Variants in RP1L1 observed in about 807,000 individuals in gnomAD.
RP1L1 encodes the protein retinitis pigmentosa 1-like 1 protein.
RP1L1 carries 27 observed loss-of-function variants against 15.7 expected under a neutral mutation model. The observed-to-expected ratio is 1.72, with a 90% CI of 1.27 to 2.38. The LOEUF is 2.38. Among genes scored for constraint, RP1L1 ranks in the 30% most tolerant of loss-of-function variants. The probability of loss-of-function intolerance (pLI) is 0.00; values close to 1 mark genes in which losing one functional copy is unlikely to be tolerated. For missense variants in RP1L1, 4,798 were observed against 3,075.9 expected, an observed-to-expected ratio of 1.56 and a Z score of -13.24; for synonymous variants, 1,813 against 1,276.7, an observed-to-expected ratio of 1.42 and a Z score of -8.96.
At chr8:10,614,676 A>AG (rs1404391658) in intron 3 of RP1L1, among the ~76,000 whole-genome samples, 8 of 150,954 alleles carry the variant, frequency 5.3e-5, no homozygotes, top group Admixed American at 1.3e-4. Flanking sequence ...AAAAAAAAAA[A>AG]AAAGAAAAGA....
rs777533649 is a variant in RP1L1 at position 10,622,860 on chromosome 8, A to G, written c.342T>C (p.Ser114=). 6.2e-7 allele frequency: 1 copy of G among 1,612,864 alleles called. No homozygotes were observed. Among genetic ancestry groups the G allele is most frequent in the South Asian group, 1.1e-5 (1 of 91,014 alleles). Residue 114 remains serine (S), a synonymous_variant, in exon 2 of 4, where the codon AGT becomes AGC. Transcript: ENST00000382483. ...CSDKKPPKTP[S]GPGRPQERNP... is the part of the protein sequence containing the mutation. ...TTCTCTCCTGTGGCCGGCCTGGTCCACTGGGGGTCTTGGGGGGCTTCTTAT... is the reference window on the plus strand; with the variant it reads ...TTCTCTCCTGTGGCCGGCCTGGTCCGCTGGGGGTCTTGGGGGGCTTCTTAT...
In RP1L1 at chr8:10,612,986, C is replaced by A. The variant is rs751450666; in HGVS notation, c.1112G>T (p.Gly371Val). Reference sequence around the variant, plus strand: ...AGGCTCTGAGAAGCCCCAAGGGTAGCCCTCCCACACACAGCAGAGGGGGTC... The same window carrying A: ...AGGCTCTGAGAAGCCCCAAGGGTAGACCTCCCACACACAGCAGAGGGGGTC... ...EVDPLCCVWE[G>V]YPWGFSEPGV... is the part of the protein sequence containing the mutation. The change falls in exon 4 of 4, where the codon GGC becomes GTC. Residue 371 changes from glycine (G) to valine (V), a missense_variant. Coordinates refer to ENST00000382483, the MANE Select transcript of RP1L1 (RefSeq NM_178857.6). 2.8e-5 allele frequency: 45 copies of A among 1,613,186 alleles called. No individual in the cohort carries two copies. The East Asian group carries it at 7.6e-4, about 27-fold the overall frequency.
rs764942125 is a variant in RP1L1 at position 10,608,109 on chromosome 8, A to C, written c.5989T>G (p.Ser1997Ala). 3 of 1,593,974 alleles carry C rather than the reference A, an allele frequency of 1.9e-6. No homozygotes were observed. The highest frequency in any genetic ancestry group is 2.6e-6 in the Non-Finnish European group (3 of 1,174,278). Residue 1997 changes from serine (S) to alanine (A), a missense_variant, in exon 4 of 4, where the codon TCA (serine) becomes GCA (alanine). Coordinates refer to ENST00000382483, the MANE Select transcript of RP1L1 (RefSeq NM_178857.6). ...QEAEGEAQPE[S>A]EDVEAPEAEG... The stretch of plus-strand genomic sequence containing the variant: ...GCCTCTGGGGCCTCTACATCTTCTG[A>C]CTCTGGCTGGGCCTCCCCTTCTGCC...
Position 10,609,247 on chromosome 8 carries a change from C to G in RP1L1, c.4851G>C (p.Ser1617=), listed in dbSNP as rs527539772. ...GGCCCAGGGTCCGCTCAGAGAAGGCCGAGAGGTTTCGCAGGCCCCGGAGAC... is the reference window on the plus strand; with the variant it reads ...GGCCCAGGGTCCGCTCAGAGAAGGCGGAGAGGTTTCGCAGGCCCCGGAGAC... ...RHRLRGLRNL[S]AFSERTLGLG... The change falls in exon 4 of 4, where the codon TCG becomes TCC. Residue 1617 remains serine, a synonymous_variant. Coordinates refer to ENST00000382483, the MANE Select transcript of RP1L1 (RefSeq NM_178857.6). 66 of 1,608,870 alleles carry G rather than the reference C, an allele frequency of 4.1e-5. No individual in the cohort carries two copies. The highest frequency in any genetic ancestry group is 5.4e-5 in the Non-Finnish European group (64 of 1,179,730).
In RP1L1 at chr8:10,610,068, T is replaced by A; in HGVS notation, c.4030A>T (p.Thr1344Ser). Residue 1344 changes from threonine (T) to serine (S), a missense_variant, in exon 4 of 4, where the codon ACA becomes TCA. Physicochemically the swap from Thr to Ser is moderately conservative, Grantham distance 58. Transcript: ENST00000382483. ...EGVQLEETKE[T>S]EGEGQQEEEA... is the part of the protein sequence containing the mutation. ...TCTTCTTGCTGTCCTTCTCCTTCTG[T>A]TTCTTTAGTTTCCTCTAACTGCACC... 1 of 960,012 alleles carries A rather than the reference T, an allele frequency of 1.0e-6. No homozygotes were observed. Among genetic ancestry groups the A allele is most frequent in the East Asian group, 3.9e-5 (1 of 25,478 alleles). The allele number at this position is 960,012 out of a possible 1,614,324, so 59.5% of individuals were successfully genotyped here.
chr8:10,638,198 G>T (rs191144527), intron 1 of RP1L1, among the ~76,000 whole-genome samples: 2 of 152,348 alleles, frequency 1.3e-5, no homozygotes, highest in South Asian at 2.1e-4. Context: ...CAAAAATACC[G>T]ATATGCTTGC....
chr8:10,641,081 A>T lies in RP1L1; in HGVS notation c.-20+13817T>A, dbSNP rs74301687. 2.3e-3 allele frequency among the ~76,000 whole-genome samples: 349 copies of T among 152,352 alleles called. 9 individuals are homozygous for T. The East Asian group carries it at 0.061, about 27-fold the overall frequency. ...TCACCACAACTGACTAAATAACATT[A>T]ACTCATAAAATAAAATACGTTTTTC... On this transcript the variant is annotated intron_variant, in intron 1 of 3. Transcript: ENST00000382483.
chr8:10,642,502 T>G (rs1050697847), intron 1 of RP1L1, among the ~76,000 whole-genome samples: 1 of 152,198 alleles, frequency 6.6e-6, no homozygotes, highest in African/African-American at 2.4e-5. Context: ...GTTACCATAG[T>G]GAAACCTAGT....
In RP1L1 at chr8:10,612,916, G is replaced by T; in HGVS notation, c.1182C>A (p.Val394=). ...PRPCRVGCRE[V]FGRGGQPGPK... ...GCCCTGGCTGCCCGCCTCGGCCAAA[G>T]ACTTCCCTGCATCCCACCCTGCAGG... The change falls in exon 4 of 4, where the codon GTC becomes GTA. Residue 394 remains valine (V), a synonymous_variant. Transcript: ENST00000382483. 1 of 1,612,400 alleles carries T rather than the reference G, an allele frequency of 6.2e-7. No homozygotes were observed. The highest frequency in any genetic ancestry group is 8.5e-7 in the Non-Finnish European group (1 of 1,179,756).
At chr8:10,621,680 C>A (rs996051823) in intron 2 of RP1L1, 1 of 485,632 alleles carries the variant, frequency 2.1e-6, no homozygotes, top group East Asian at 5.8e-5. Context: ...TAAGGAGCAA[C>A]AGGACTGAAT....
Position 10,613,261 on chromosome 8 carries a change from A to G in RP1L1, c.837T>C (p.Gly279=), listed in dbSNP as rs1797910176. 4.3e-6 allele frequency: 7 copies of G among 1,610,408 alleles called. No individual in the cohort carries two copies. Among genetic ancestry groups the G allele is most frequent in the Non-Finnish European group, 5.9e-6 (7 of 1,180,012 alleles). ...CAGGGCCCACCGGGGGGTTGCTAGG[A>G]CCAGGCCTTTCTGGCAGCCGTGGCG... is the stretch of plus-strand genomic sequence containing the variant. The part of the protein sequence containing the change: ...GSTPRLPERP[G]PSNPPVGPAP... The change falls in exon 4 of 4, where the codon GGT becomes GGC. Residue 279 remains glycine (G), a synonymous_variant. Transcript: ENST00000382483.
In RP1L1 at chr8:10,609,444, G is replaced by C; in HGVS notation, c.4654C>G (p.Leu1552Val). Reference sequence around the variant, plus strand: ...AGCTCGGCCGCCATCTGGTCCAGCAGATCATTGTCCTGCAGGCCCCAGCGT... The same window carrying C: ...AGCTCGGCCGCCATCTGGTCCAGCACATCATTGTCCTGCAGGCCCCAGCGT... ...RARWGLQDND[L>V]LDQMAAELQQ... Residue 1552 changes from leucine to valine, a missense_variant, in exon 4 of 4, where the codon CTG (leucine) becomes GTG (valine). Physicochemically the swap from Leu to Val is conservative, Grantham distance 32. Transcript: ENST00000382483. The C allele has an allele frequency of 1.2e-6, 2 of 1,612,504 alleles. No individual in the cohort carries two copies. The highest frequency in any genetic ancestry group is 1.7e-6 in the Non-Finnish European group (2 of 1,179,986).
rs1297683322 is a variant in RP1L1, at chr8:10,606,559, C to G, written c.*336G>C. On this transcript the variant is annotated 3_prime_UTR_variant, in exon 4 of 4. Coordinates refer to ENST00000382483, the MANE Select transcript of RP1L1 (RefSeq NM_178857.6). ...CACTTGCTAGCAGAAAACAAACCCACAAACAAAAGCTAAACTGGAGCCTTT... is the reference window on the plus strand; with the variant it reads ...CACTTGCTAGCAGAAAACAAACCCAGAAACAAAAGCTAAACTGGAGCCTTT... 8 of 319,294 alleles carry G rather than the reference C, an allele frequency of 2.5e-5. No homozygotes were observed. Among genetic ancestry groups the G allele is most frequent in the South Asian group, 2.3e-4 (6 of 26,104 alleles). The allele number at this position is 319,294 out of a possible 1,614,324, so 19.8% of individuals were successfully genotyped here.
intron 1 of RP1L1, among the ~76,000 whole-genome samples, chr8:10,649,186 G>C (rs1204547455): frequency 6.6e-6 from 1 of 152,180 alleles, no homozygotes; most frequent in Admixed American, 6.5e-5. Context: ...ACAACCCACA[G>C]ACACAACTTT....
chr8:10,631,318 C>A (rs1798241823), intron 1 of RP1L1, among the ~76,000 whole-genome samples: 2 of 83,898 alleles, frequency 2.4e-5, no homozygotes, highest in Admixed American at 1.4e-4. Context: ...CACACACGCA[C>A]ACACGCACAC....
Position 10,612,255 on chromosome 8 carries a change from G to A in RP1L1, c.1843C>T (p.Leu615Phe), listed in dbSNP as rs779887420. 1.5e-5 allele frequency: 25 copies of A among 1,613,154 alleles called. No homozygotes were observed. The highest frequency in any genetic ancestry group is 1.8e-5 in the Non-Finnish European group (21 of 1,180,022). The change falls in exon 4 of 4, where the codon CTT becomes TTT. Residue 615 changes from leucine (L) to phenylalanine (F), a missense_variant. Coordinates refer to ENST00000382483, the MANE Select transcript of RP1L1 (RefSeq NM_178857.6). ...AVTREPLVLGLSCSWDSEGAS... is the reference protein window; with the variant it reads ...AVTREPLVLGFSCSWDSEGAS... ...CCTTCCGAGTCCCAGGAGCAGGAAA[G>A]GCCCAGAACCAGAGGCTCCCTTGTC...
chr8:10,620,907 G>T (rs1023647748), intron 2 of RP1L1, among the ~76,000 whole-genome samples: 2 of 152,214 alleles, frequency 1.3e-5, no homozygotes, highest in African/African-American at 2.4e-5. Context: ...CAGGAATATG[G>T]TTCGGTCACT....
chr8:10,650,144 C>G (rs376273855), intron 1 of RP1L1, among the ~76,000 whole-genome samples: 1 of 152,308 alleles, frequency 6.6e-6, no homozygotes, highest in African/African-American at 2.4e-5. Context: ...GTATGGAAAG[C>G]TGGGTGCTGC....
At chr8:10,619,898 T>C (rs1585977158) in intron 2 of RP1L1, among the ~76,000 whole-genome samples, 1 of 148,084 alleles carries the variant, frequency 6.8e-6, no homozygotes, top group South Asian at 2.1e-4. Flanking sequence ...GGGGCAGAGG[T>C]TGCAGTGAGC....
Sources: gnomAD v4.1 joint callset for allele counts (sites outside exome capture counted in the v4.1 genomes callset) on GRCh38, gnomAD v4.1.1 for gene constraint, MANE v1.5 for transcripts, NCBI Gene and HGNC (gene_info 2026-07-23, HGNC 2026-07-21) for gene names.